The following TPST1 variants were observed in gnomAD, a reference collection of about 807,000 sequenced individuals.
TPST1 encodes the protein protein-tyrosine sulfotransferase 1.
Under a neutral mutation model 34.8 loss-of-function variants are expected in TPST1, and 20 were observed. The ratio of observed to expected loss-of-function variants is 0.57; its 90% CI spans 0.40 to 0.84. The LOEUF is 0.84. Among genes scored for constraint, TPST1 ranks in the 40% least tolerant of loss-of-function variants. The pLI is 0.00. For synonymous variants in TPST1, 152 were observed against 159.4 expected (o/e 0.95, Z 0.35); for missense variants, 353 against 455.5 (o/e 0.78, Z 2.05).
upstream of TPST1, among the ~76,000 whole-genome samples, chr7:66,200,803 C>A (rs560820543): frequency 6.6e-6 from 1 of 151,812 alleles, no homozygotes; most frequent in Non-Finnish European, 1.5e-5. Flanking sequence ...CTCCGCTCAC[C>A]GCAGCCTCCA....
chr7:66,244,443 A>T (rs1476006960), intron 2 of TPST1, among the ~76,000 whole-genome samples: 1 of 152,152 alleles, frequency 6.6e-6, no homozygotes, highest in Non-Finnish European at 1.5e-5. Context: ...AATTTTTGAG[A>T]GTTAACCTTT....
chr7:66,340,916 C>G (rs1792224409), intron 3 of TPST1, among the ~76,000 whole-genome samples: 1 of 152,114 alleles, frequency 6.6e-6, no homozygotes, highest in East Asian at 1.9e-4. Context: ...GAGGCTGAGG[C>G]AGGAGAATCA....
At chr7:66,336,508 A>C (rs1273970349) in intron 3 of TPST1, among the ~76,000 whole-genome samples, 1 of 152,234 alleles carries the variant, frequency 6.6e-6, no homozygotes. Flanking sequence ...AGACTTAATC[A>C]AATAAAAGAA....
chr7:66,227,027 G>GGTTTTTTTTTTT (rs1390977469), intron 1 of TPST1, among the ~76,000 whole-genome samples: 1 of 46,036 alleles, frequency 2.2e-5, no homozygotes, highest in African/African-American at 1.1e-4. Context: ...CTTAAAATAA[G>GGTTTTTTTTTTT]CTTTTTTTTT....
chr7:66,322,151 A>G (rs1436052058), intron 3 of TPST1, among the ~76,000 whole-genome samples: 1 of 152,182 alleles, frequency 6.6e-6, no homozygotes, highest in Non-Finnish European at 1.5e-5. Flanking sequence ...GTCCTTGGAT[A>G]TATCCTCCTA....
At chr7:66,211,302 T>A (rs1789239926) in intron 1 of TPST1, among the ~76,000 whole-genome samples, 1 of 151,998 alleles carries the variant, frequency 6.6e-6, no homozygotes, top group Non-Finnish European at 1.5e-5. Flanking sequence ...GCCCAGCTAA[T>A]TTTGTATTTT....
intron 2 of TPST1, among the ~76,000 whole-genome samples, chr7:66,278,412 G>C (rs1401099081): frequency 6.6e-6 from 1 of 152,116 alleles, no homozygotes; most frequent in African/African-American, 2.4e-5. Context: ...ACTATGTTGA[G>C]CTTGAGATAG....
intron 1 of TPST1, among the ~76,000 whole-genome samples, chr7:66,217,564 G>A (rs1789449765): frequency 6.6e-6 from 1 of 152,080 alleles, no homozygotes; most frequent in Admixed American, 6.6e-5. Context: ...TTTGGTCTTT[G>A]AATCTAACAC....
intron 1 of TPST1, among the ~76,000 whole-genome samples, chr7:66,225,503 C>T (rs1433665052): frequency 2.0e-5 from 3 of 151,940 alleles, no homozygotes; most frequent in East Asian, 4.0e-4. Context: ...TCCCAGCTAC[C>T]GGGGAGGCTG....
rs535267265 is a variant in TPST1, at chr7:66,332,033, G to C, written c.1045-20472G>C. Among the ~76,000 whole-genome samples, 1 of 152,076 alleles carries C rather than the reference G, an allele frequency of 6.6e-6. No homozygotes were observed. Among genetic ancestry groups the C allele is most frequent in the Non-Finnish European group, 1.5e-5 (1 of 68,022 alleles). ...GCTTCTACTGATTCTGCAATATAGT[G>C]AGTTGTGTAATAATTTCACTATATA... is the stretch of plus-strand genomic sequence containing the variant. On this transcript the variant is annotated intron_variant, in intron 3 of 5. Coordinates refer to ENST00000304842, the MANE Select transcript of TPST1 (RefSeq NM_003596.4). This position sits in a 1 kb window ranked among gnomAD's most constrained non-coding sequence, Gnocchi z 4.5.
chr7:66,352,329 T>C (rs921813571), intron 3 of TPST1, among the ~76,000 whole-genome samples, 176 bp from the exon 4 acceptor site: 14 of 152,220 alleles, frequency 9.2e-5, no homozygotes, highest in Admixed American at 2.0e-4. Context: ...TTACAGTGAA[T>C]GGGGATTTCC....
Position 66,286,718 on chromosome 7 carries a change from GA to G in TPST1, c.1044+10del. ...TTGAAAACACTCGAAGGGTAAGTGA[GA>G]TTTTTTAAAGCAACTGAGAAAACTA... On this transcript the variant is annotated intron_variant, in intron 3 of 5. Coordinates refer to ENST00000304842, the MANE Select transcript of TPST1 (RefSeq NM_003596.4). The G allele has an allele frequency of 6.7e-7, 1 of 1,481,754 alleles. No homozygotes were observed. The highest frequency in any genetic ancestry group is 1.5e-5 in the South Asian group (1 of 66,606). 91.8% of individuals were successfully genotyped at this position (1,481,754 alleles called of 1,614,324 possible). A position where few individuals can be genotyped will look rare whatever the true frequency, so the allele number is the denominator to read the frequency against.
At chr7:66,246,642 TAAC>T (rs1790155876) in intron 2 of TPST1, among the ~76,000 whole-genome samples, 1 of 152,220 alleles carries the variant, frequency 6.6e-6, no homozygotes, top group African/African-American at 2.4e-5. Flanking sequence ...AGATCCAAAA[TAAC>T]AAAGATTTCC....
intron 3 of TPST1, among the ~76,000 whole-genome samples, chr7:66,313,819 A>G (rs997629452): frequency 2.0e-4 from 30 of 152,028 alleles, no homozygotes; most frequent in Non-Finnish European, 1.9e-4. Context: ...AAATATTTCA[A>G]TGTTGTTAGT....
At chr7:66,222,136 C>G (rs932826284) in intron 1 of TPST1, among the ~76,000 whole-genome samples, 4 of 152,204 alleles carry the variant, frequency 2.6e-5, no homozygotes, top group African/African-American at 7.2e-5. Context: ...GTAATCCCAG[C>G]ACTTTGGGAG....
intron 3 of TPST1, among the ~76,000 whole-genome samples, chr7:66,293,136 G>A (rs1055312679): frequency 2.6e-5 from 4 of 151,786 alleles, no homozygotes; most frequent in East Asian, 3.9e-4. Context: ...AACCCGGGAG[G>A]CAGAGCTTGC....
chr7:66,317,249 A>G (rs571118864), intron 3 of TPST1, among the ~76,000 whole-genome samples: 3 of 151,970 alleles, frequency 2.0e-5, no homozygotes, highest in African/African-American at 7.2e-5. Flanking sequence ...TGTGCTACCT[A>G]TACAGTTTTG....
intron 3 of TPST1, among the ~76,000 whole-genome samples, chr7:66,302,815 A>C (rs1161808046): frequency 9.2e-5 from 14 of 152,222 alleles, no homozygotes; most frequent in Admixed American, 9.2e-4. Flanking sequence ...TGATGAGAGC[A>C]GTGGTCTTTT....
At chr7:66,350,101 C>T in intron 3 of TPST1, among the ~76,000 whole-genome samples, 1 of 152,152 alleles carries the variant, frequency 6.6e-6, no homozygotes, top group East Asian at 1.9e-4. Flanking sequence ...GCAGCCTCCG[C>T]CTCCCAGGTT....
Sources: gnomAD v4.1 joint callset for allele counts (sites outside exome capture counted in the v4.1 genomes callset) on GRCh38, gnomAD v4.1.1 for gene constraint, Gnocchi (gnomAD v3.1) non-coding constraint, MANE v1.5 for transcripts, NCBI Gene and HGNC (gene_info 2026-07-23, HGNC 2026-07-21) for gene names.